The following ZFPM2 variants were observed in gnomAD, a reference collection of about 807,000 sequenced individuals.
The protein encoded by ZFPM2 is zinc finger protein ZFPM2.
A neutral mutation model predicts 98.6 loss-of-function variants in ZFPM2; 20 were observed. The observed-to-expected ratio is 0.20, with a 90% CI of 0.14 to 0.29. The LOEUF (loss-of-function observed/expected upper bound fraction) is 0.29. Ranked by LOEUF, ZFPM2 falls within the 10% of genes least tolerant of loss-of-function variation. ZFPM2 has a pLI of 1.00. For missense variants in ZFPM2, 1,310 were observed against 1,388.6 expected, an observed-to-expected ratio of 0.94 and a Z score of 0.90; for synonymous variants, 518 against 502.7, an observed-to-expected ratio of 1.03 and a Z score of -0.41.
chr8:105,577,233 G>A (rs530966324), intron 4 of ZFPM2, among the ~76,000 whole-genome samples: 1 of 152,186 alleles, frequency 6.6e-6, no homozygotes. Context: ...TCATGTAAGA[G>A]TATTTAAATA....
chr8:105,441,482 G>GAAAGAAAGAAAGAAAGAAAAAAAA (rs57419492), intron 2 of ZFPM2, among the ~76,000 whole-genome samples: 1 of 85,404 alleles, frequency 1.2e-5, no homozygotes, highest in African/African-American at 7.8e-5. Context: ...AAGAAAGAAA[G>GAAAGAAAGAAAGAAAGAAAAAAAA]AAAGAAAGAA....
At chr8:105,583,762 G>A (rs1027473295) in intron 4 of ZFPM2, among the ~76,000 whole-genome samples, 7 of 152,096 alleles carry the variant, frequency 4.6e-5, no homozygotes, top group Non-Finnish European at 8.8e-5. Flanking sequence ...CTGGAATGCC[G>A]GCTAGGAGAA....
intron 4 of ZFPM2, among the ~76,000 whole-genome samples, chr8:105,590,544 C>T (rs1311635996): frequency 6.6e-6 from 1 of 152,056 alleles, no homozygotes; most frequent in East Asian, 1.9e-4. Flanking sequence ...GTTTTGGGGG[C>T]CATAGGCATA....
chr8:105,414,549 T>G (rs768317756), intron 1 of ZFPM2, among the ~76,000 whole-genome samples: 57 of 152,004 alleles, frequency 3.7e-4, no homozygotes, highest in Non-Finnish European at 6.5e-4. Context: ...GTTTTGCTTA[T>G]TTTGCATCAT....
At chr8:105,394,331 ATGTC>A (rs1408782398) in intron 1 of ZFPM2, among the ~76,000 whole-genome samples, 2 of 152,064 alleles carry the variant, frequency 1.3e-5, no homozygotes, top group African/African-American at 2.4e-5. Context: ...TTTATATAAT[ATGTC>A]TGTTTACTGA....
intron 5 of ZFPM2, among the ~76,000 whole-genome samples, chr8:105,669,453 T>C (rs1042379279): frequency 6.6e-6 from 1 of 151,084 alleles, no homozygotes; most frequent in African/African-American, 2.4e-5. Flanking sequence ...ACGCATATAA[T>C]GATAATGTAT....
chr8:105,559,697 A>G (rs1019675463), intron 3 of ZFPM2, among the ~76,000 whole-genome samples: 3 of 152,194 alleles, frequency 2.0e-5, no homozygotes, highest in Admixed American at 2.0e-4. Flanking sequence ...AACATGAACA[A>G]TAATGTCTGG....
At chr8:105,556,847 C>A (rs1021686944) in intron 3 of ZFPM2, among the ~76,000 whole-genome samples, 4 of 151,880 alleles carry the variant, frequency 2.6e-5, no homozygotes, top group East Asian at 1.9e-4. Flanking sequence ...CTCAGCCTCC[C>A]GAGTAGTTGG....
At chr8:105,354,520 A>G (rs1269751596) in intron 1 of ZFPM2, among the ~76,000 whole-genome samples, 1 of 152,224 alleles carries the variant, frequency 6.6e-6, no homozygotes, top group African/African-American at 2.4e-5. Context: ...GAGTATTTGG[A>G]AAGTGAAACA....
chr8:105,677,705 A>G (rs1271265880), intron 5 of ZFPM2, among the ~76,000 whole-genome samples: 2 of 103,360 alleles, frequency 1.9e-5, no homozygotes, highest in South Asian at 4.0e-4. Flanking sequence ...AAAACATAAG[A>G]AAAAAAAAAT....
chr8:105,755,605 A>G (rs1429214534), intron 5 of ZFPM2, among the ~76,000 whole-genome samples: 1 of 152,188 alleles, frequency 6.6e-6, no homozygotes, highest in East Asian at 1.9e-4. Context: ...AATTTCAATT[A>G]GCTCTAAAAT....
intron 1 of ZFPM2, among the ~76,000 whole-genome samples, chr8:105,408,856 A>G (rs574176230): frequency 6.6e-6 from 1 of 151,994 alleles, no homozygotes; most frequent in Non-Finnish European, 1.5e-5. Flanking sequence ...CGTTGCCCTC[A>G]CTTTGACTAT....
intron 5 of ZFPM2, among the ~76,000 whole-genome samples, chr8:105,713,423 C>T (rs902184216): frequency 6.6e-6 from 1 of 151,964 alleles, no homozygotes; most frequent in Non-Finnish European, 1.5e-5. Context: ...GGGCATTAGT[C>T]CTTTGTCAGT....
intron 5 of ZFPM2, among the ~76,000 whole-genome samples, chr8:105,686,627 T>C (rs980385215): frequency 1.5e-4 from 23 of 152,192 alleles, no homozygotes; most frequent in African/African-American, 4.8e-4. Context: ...CCAAATTGCA[T>C]TATATAGTAC....
At chr8:105,727,890 G>A (rs1811851102) in intron 5 of ZFPM2, among the ~76,000 whole-genome samples, 1 of 151,164 alleles carries the variant, frequency 6.6e-6, no homozygotes, top group Admixed American at 6.6e-5. Context: ...GCAGACAAAG[G>A]AAGGAGGCTA....
chr8:105,324,217 G>T (rs958783601), intron 1 of ZFPM2, among the ~76,000 whole-genome samples: 1 of 151,602 alleles, frequency 6.6e-6, no homozygotes, highest in African/African-American at 2.4e-5. Context: ...TTTGTTTGGG[G>T]GTAATCTGGG....
At chr8:105,630,331 T>C (rs1816733566) in intron 4 of ZFPM2, among the ~76,000 whole-genome samples, 1 of 152,176 alleles carries the variant, frequency 6.6e-6, no homozygotes, top group African/African-American at 2.4e-5. Context: ...TAATCCTGGC[T>C]AACTCCTTCC....
intron 1 of ZFPM2, among the ~76,000 whole-genome samples, chr8:105,321,242 A>G (rs77047475): frequency 2.0e-5 from 3 of 152,162 alleles, no homozygotes; most frequent in Non-Finnish European, 4.4e-5. Flanking sequence ...AGTTTCGCAG[A>G]TGGAGAAGTT....
chr8:105,327,337 C>T (rs1295740260), intron 1 of ZFPM2, among the ~76,000 whole-genome samples: 1 of 151,488 alleles, frequency 6.6e-6, no homozygotes, highest in Admixed American at 6.6e-5. Flanking sequence ...TAGAAGCAAA[C>T]ATTTTTTCTT....
Sources: gnomAD v4.1 joint callset for allele counts (sites outside exome capture counted in the v4.1 genomes callset) on GRCh38, gnomAD v4.1.1 for gene constraint, MANE v1.5 for transcripts, NCBI Gene and HGNC (gene_info 2026-07-23, HGNC 2026-07-21) for gene names.